NBAS: variants seen among roughly 807,000 people sequenced by gnomAD.
The protein encoded by NBAS is NAG/BC035112 fusion.
In NBAS, 219 loss-of-function variants were observed where a neutral mutation model predicts 302.5. The observed-to-expected ratio is 0.72, with a 90% CI of 0.65 to 0.81. The LOEUF (loss-of-function observed/expected upper bound fraction) is 0.81. NBAS is among the 30% of genes least tolerant of loss of function. The pLI, the probability that NBAS is intolerant of heterozygous loss-of-function variation, is 0.00. For missense variants in NBAS, 2,932 were observed against 2,841.6 expected (o/e 1.03, Z -0.72); for synonymous variants, 1,118 against 1,021.6 (o/e 1.09, Z -1.80).
At chr2:15,361,881 G>A (rs2148328539) in intron 32 of NBAS, among the ~76,000 whole-genome samples, 1 of 152,092 alleles carries the variant, frequency 6.6e-6, no homozygotes, top group Middle Eastern at 3.4e-3. Context: ...TTGGGAAGCT[G>A]AGGCAGGAGA....
the NBAS span, among the ~76,000 whole-genome samples, chr2:14,974,715 T>C: frequency 6.6e-6 from 1 of 152,190 alleles, no homozygotes; most frequent in Non-Finnish European, 1.5e-5. Context: ...TCTGCTGGTG[T>C]GTATCCTATA....
chr2:15,015,127 G>GA, the NBAS span, among the ~76,000 whole-genome samples: 1 of 146,990 alleles, frequency 6.8e-6, no homozygotes, highest in Non-Finnish European at 1.5e-5. Context: ...CAACAAGATT[G>GA]AAATAGTAAT....
chr2:15,424,387 G>T lies in NBAS; in HGVS notation c.2505C>A (p.Thr835=). ...CCATAACCTTCTCCACCGTAAGCTG[G>T]GTCATCCTGAACCTTAGTAACTCAG... ...AQPELLRFRM[T]QLTVEKVMDW... Residue 835 remains threonine, a synonymous_variant, in exon 23 of 52, where the codon ACC becomes ACA. Coordinates refer to ENST00000281513, the MANE Select transcript of NBAS (RefSeq NM_015909.4). 1 of 1,614,014 alleles carries T rather than the reference G, an allele frequency of 6.2e-7. No homozygotes were observed. The highest frequency in any genetic ancestry group is 8.5e-7 in the Non-Finnish European group (1 of 1,179,974).
intron 50 of NBAS, among the ~76,000 whole-genome samples, chr2:15,183,443 G>A (rs140963538): frequency 4.6e-5 from 7 of 152,274 alleles, no homozygotes; most frequent in Admixed American, 2.6e-4. Flanking sequence ...ACTTTGCAAC[G>A]GGATTTAACC....
intron 35 of NBAS, among the ~76,000 whole-genome samples, chr2:15,346,282 T>A (rs1407429041): frequency 6.6e-6 from 1 of 151,932 alleles, no homozygotes; most frequent in Non-Finnish European, 1.5e-5. Flanking sequence ...ATATCCAGAA[T>A]TTACAAGAAA....
At chr2:15,219,025 T>C in intron 47 of NBAS, 57 bp from the exon 48 acceptor site, 1 of 1,592,640 alleles carries the variant, frequency 6.3e-7, no homozygotes, top group Non-Finnish European at 8.6e-7. Context: ...TTTTCCCCCT[T>C]CCGGTAATCA....
At chr2:14,820,853 CAAG>C in the NBAS span, among the ~76,000 whole-genome samples, 1 of 152,126 alleles carries the variant, frequency 6.6e-6, no homozygotes, top group Non-Finnish European at 1.5e-5. Flanking sequence ...TCTGTGGGCA[CAAG>C]TGGCCAGGCC....
At chr2:15,084,083 A>G in the NBAS span, among the ~76,000 whole-genome samples, 3 of 151,588 alleles carry the variant, frequency 2.0e-5, no homozygotes, top group Non-Finnish European at 4.4e-5. Context: ...ACAGGGTCTC[A>G]CTCTGTTGCC....
chr2:15,328,386 G>C, intron 36 of NBAS, 74 bp from the exon 37 acceptor site: 4 of 1,239,900 alleles, frequency 3.2e-6, no homozygotes, highest in Non-Finnish European at 4.7e-6. Flanking sequence ...GTAAAAGCAA[G>C]GAAAGAAGGG....
At chr2:15,478,137 T>A (rs1292065223) in intron 13 of NBAS, 89 bp downstream of exon 13, 1 of 968,242 alleles carries the variant, frequency 1.0e-6, no homozygotes, top group African/African-American at 1.6e-5. Context: ...AGCAAAAGTA[T>A]CTAGAGACTT....
At chr2:15,251,500 A>T (rs1418308204) in intron 44 of NBAS, among the ~76,000 whole-genome samples, 6 of 152,194 alleles carry the variant, frequency 3.9e-5, no homozygotes, top group Non-Finnish European at 1.5e-5. Context: ...AGTGGAAGCA[A>T]ATTTATTAAG....
At chr2:15,518,210 TATC>T (rs1364329491) in intron 9 of NBAS, among the ~76,000 whole-genome samples, 2 of 152,074 alleles carry the variant, frequency 1.3e-5, no homozygotes, top group Non-Finnish European at 2.9e-5. Context: ...AAAAGGAAAT[TATC>T]ATATAATTTG....
the NBAS span, among the ~76,000 whole-genome samples, chr2:15,081,719 C>T: frequency 6.6e-6 from 1 of 152,158 alleles, no homozygotes; most frequent in Non-Finnish European, 1.5e-5. Flanking sequence ...CCTCTTAAAC[C>T]CAGAGCCTGT....
At chr2:15,480,111 C>T (rs1317886429) in intron 12 of NBAS, among the ~76,000 whole-genome samples, 1 of 152,112 alleles carries the variant, frequency 6.6e-6, no homozygotes, top group African/African-American at 2.4e-5. Flanking sequence ...AAGGCCAAGG[C>T]AGGAGAGCTG....
At chr2:15,381,893 A>G (rs1226492354) in intron 29 of NBAS, among the ~76,000 whole-genome samples, 1 of 152,204 alleles carries the variant, frequency 6.6e-6, no homozygotes, top group Non-Finnish European at 1.5e-5. Context: ...GAATTCAAAA[A>G]CTAAACAATT....
intron 47 of NBAS, among the ~76,000 whole-genome samples, chr2:15,221,778 T>C (rs965490269): frequency 6.6e-6 from 1 of 152,038 alleles, no homozygotes; most frequent in African/African-American, 2.4e-5. Flanking sequence ...AGGGAGAGAT[T>C]AAAGCACAGA....
the NBAS span, among the ~76,000 whole-genome samples, chr2:14,916,357 T>C: frequency 6.6e-6 from 1 of 152,202 alleles, no homozygotes; most frequent in African/African-American, 2.4e-5. Flanking sequence ...CAGGATGCAA[T>C]ACAATACAAG....
the NBAS span, among the ~76,000 whole-genome samples, chr2:14,789,526 G>C: frequency 6.6e-6 from 1 of 152,128 alleles, no homozygotes; most frequent in Non-Finnish European, 1.5e-5. Context: ...GGGTATTCAG[G>C]CCATATATTG....
chr2:14,864,046 C>A, the NBAS span, among the ~76,000 whole-genome samples: 429 of 152,218 alleles, frequency 2.8e-3, 1 homozygote, highest in African/African-American at 1.0e-2. Context: ...TGGCCAGGCA[C>A]GGTGGCTCAC....
Sources: gnomAD v4.1 joint callset for allele counts (sites outside exome capture counted in the v4.1 genomes callset) on GRCh38, gnomAD v4.1.1 for gene constraint, MANE v1.5 for transcripts, NCBI Gene and HGNC (gene_info 2026-07-23, HGNC 2026-07-21) for gene names.